Variants in AMPH observed in about 807,000 individuals in gnomAD.
AMPH encodes amphiphysin.
AMPH carries 49 observed loss-of-function variants against 99.1 expected under a neutral mutation model. The ratio of observed to expected loss-of-function variants is 0.49; its 90% CI spans 0.39 to 0.63. The LOEUF (loss-of-function observed/expected upper bound fraction) is 0.63. AMPH is among the 20% of genes least tolerant of loss of function. The pLI is 0.00. For missense variants in AMPH, 759 were observed against 863.4 expected (o/e 0.88, Z 1.52); for synonymous variants, 314 against 317.3 (o/e 0.99, Z 0.11).
intron 2 of AMPH, among the ~76,000 whole-genome samples, chr7:38,519,830 G>A (rs1473340807): frequency 6.6e-6 from 1 of 152,052 alleles, no homozygotes; most frequent in Non-Finnish European, 1.5e-5. Context: ...GCACTCACAT[G>A]TTCATTGCAG....
At chr7:38,408,275 C>G (rs1002353936) in intron 17 of AMPH, among the ~76,000 whole-genome samples, 1 of 152,168 alleles carries the variant, frequency 6.6e-6, no homozygotes, top group Non-Finnish European at 1.5e-5. Context: ...TTCTTATAAA[C>G]AGTTGATACA....
intron 1 of AMPH, among the ~76,000 whole-genome samples, chr7:38,606,939 C>T (rs1793456695): frequency 6.6e-6 from 1 of 152,132 alleles, no homozygotes; most frequent in Non-Finnish European, 1.5e-5. Flanking sequence ...TTTTATTTAT[C>T]TTTCCTCAGT....
chr7:38,513,263 A>G (rs532531448), intron 2 of AMPH, among the ~76,000 whole-genome samples: 25 of 152,332 alleles, frequency 1.6e-4, no homozygotes, highest in African/African-American at 5.8e-4. Context: ...TATAATGAAT[A>G]CAACTATATC....
intron 1 of AMPH, among the ~76,000 whole-genome samples, chr7:38,613,274 T>C (rs1319202547): frequency 6.6e-6 from 1 of 151,894 alleles, no homozygotes; most frequent in Non-Finnish European, 1.5e-5. Context: ...TCACCCTTTC[T>C]AAAACGTCTT....
intron 1 of AMPH, among the ~76,000 whole-genome samples, chr7:38,538,099 AAT>A (rs1167337456): frequency 2.0e-5 from 3 of 152,342 alleles, no homozygotes; most frequent in Admixed American, 6.5e-5. Context: ...CTAGAAATTA[AAT>A]AGTTTGTTGC....
intron 1 of AMPH, among the ~76,000 whole-genome samples, 173 bp downstream of exon 1, chr7:38,631,110 G>C (rs1324310247): frequency 6.6e-6 from 1 of 151,884 alleles, no homozygotes; most frequent in African/African-American, 2.4e-5. Flanking sequence ...CCCGGGTCGC[G>C]CCTTGCGGCA....
chr7:38,525,277 T>TATATATATATATAG lies in AMPH; in HGVS notation c.150+9653_150+9654insCTATATATATATAT, dbSNP rs1481528083. 2.2e-3 allele frequency among the ~76,000 whole-genome samples: 190 copies of TATATATATATATAG among 86,612 alleles called. 1 individual carries two copies. Among genetic ancestry groups the TATATATATATATAG allele is most frequent in the Middle Eastern group, 5.7e-3 (1 of 176 alleles). The allele number at this position is 86,612 out of a possible 152,430, so 56.8% of individuals were successfully genotyped here. A position where few individuals can be genotyped will look rare whatever the true frequency, so the allele number is the denominator to read the frequency against. On this transcript the variant is annotated intron_variant, in intron 2 of 20. Coordinates refer to ENST00000356264, the MANE Select transcript of AMPH (RefSeq NM_001635.4). ...GTGTGTGTATATATATATATATATA[T>TATATATATATATAG]AGAGAGAGAGAGAGAGAGAGAGAGA... is the stretch of plus-strand genomic sequence containing the variant.
Position 38,587,362 on chromosome 7 carries a change from G to A in AMPH, c.69+43921C>T, listed in dbSNP as rs572293994. Among the ~76,000 whole-genome samples, 86 of 152,290 alleles carry A rather than the reference G, an allele frequency of 5.6e-4. 1 individual carries two copies. The highest frequency in any genetic ancestry group is 1.0e-3 in the Non-Finnish European group (68 of 68,028). Reference sequence around the variant, plus strand: ...AACCAATCTTGACATCGATCTAAACGTGCTTCAGAAGAGGTGGTTCCAGGA... The same window carrying A: ...AACCAATCTTGACATCGATCTAAACATGCTTCAGAAGAGGTGGTTCCAGGA... On this transcript the variant is annotated intron_variant, in intron 1 of 20. Coordinates refer to ENST00000356264, the MANE Select transcript of AMPH (RefSeq NM_001635.4).
At chr7:38,502,835 T>C (rs1358348584) in intron 3 of AMPH, among the ~76,000 whole-genome samples, 1 of 152,166 alleles carries the variant, frequency 6.6e-6, no homozygotes. Flanking sequence ...CATATTTACA[T>C]CTTTACTATA....
At chr7:38,485,870 C>T (rs947885805) in intron 5 of AMPH, among the ~76,000 whole-genome samples, 16 of 151,892 alleles carry the variant, frequency 1.1e-4, no homozygotes, top group East Asian at 9.6e-4. Flanking sequence ...CAATTTTGAA[C>T]GACCAATGGG....
intron 9 of AMPH, 155 bp from the exon 10 acceptor site, chr7:38,463,268 G>T: frequency 2.1e-6 from 2 of 957,152 alleles, no homozygotes; most frequent in Non-Finnish European, 3.3e-6. Flanking sequence ...TTGCAACAGT[G>T]ATGGTGATAA....
chr7:38,407,068 ATATATATATG>A (rs1439768912), intron 17 of AMPH, among the ~76,000 whole-genome samples: 1 of 27,144 alleles, frequency 3.7e-5, no homozygotes, highest in Admixed American at 5.2e-4. Context: ...ATATATATAT[ATATATATATG>A]TGTGTGTGTG....
chr7:38,520,011 T>C (rs867539275), intron 2 of AMPH, among the ~76,000 whole-genome samples: 1 of 151,984 alleles, frequency 6.6e-6, no homozygotes, highest in African/African-American at 2.4e-5. Flanking sequence ...AATAAATAAA[T>C]AAAAATCAAA....
intron 17 of AMPH, among the ~76,000 whole-genome samples, chr7:38,404,626 T>TA (rs1487207789): frequency 6.6e-6 from 1 of 151,638 alleles, no homozygotes; most frequent in East Asian, 1.9e-4. Context: ...GAAAAAAGAG[T>TA]AAAAATTTAA....
chr7:38,613,270 T>G (rs1793748534), intron 1 of AMPH, among the ~76,000 whole-genome samples: 1 of 152,000 alleles, frequency 6.6e-6, no homozygotes, highest in South Asian at 2.1e-4. Flanking sequence ...AAAGTCACCC[T>G]TTCTAAAACG....
intron 17 of AMPH, among the ~76,000 whole-genome samples, chr7:38,416,693 T>C (rs1385916092): frequency 1.3e-5 from 2 of 152,284 alleles, no homozygotes; most frequent in African/African-American, 2.4e-5. Context: ...CAGATCACCA[T>C]TGGACACCAA....
intron 1 of AMPH, among the ~76,000 whole-genome samples, chr7:38,600,586 C>T (rs1036449083): frequency 6.6e-6 from 1 of 152,142 alleles, no homozygotes; most frequent in Non-Finnish European, 1.5e-5. Context: ...TTATGTTGAA[C>T]CATAGGAAAA....
chr7:38,394,165 G>A lies in AMPH; in HGVS notation c.1448C>T (p.Ala483Val), dbSNP rs1401696003. 1.2e-6 allele frequency: 2 copies of A among 1,614,206 alleles called. No individual in the cohort carries two copies. Among genetic ancestry groups the A allele is most frequent in the South Asian group, 1.1e-5 (1 of 91,076 alleles). ...ADAAVGTLVS[A>V]AEGAPGEEAE... is the part of the protein sequence containing the mutation. Reference sequence around the variant, plus strand: ...TTCCTCTCCTGGGGCCCCCTCAGCTGCTGACACCAAGGTTCCAACAGCTGC... The same window carrying A: ...TTCCTCTCCTGGGGCCCCCTCAGCTACTGACACCAAGGTTCCAACAGCTGC... Residue 483 changes from alanine (A) to valine (V), a missense_variant, in exon 18 of 21, where the codon GCA becomes GTA. Coordinates refer to ENST00000356264, the MANE Select transcript of AMPH (RefSeq NM_001635.4).
In AMPH at chr7:38,526,433, C is replaced by CTTTTTTTT. The variant is rs33974810; in HGVS notation, c.150+8490_150+8497dup. On this transcript the variant is annotated intron_variant, in intron 2 of 20. Coordinates refer to ENST00000356264, the MANE Select transcript of AMPH (RefSeq NM_001635.4). Reference sequence around the variant, plus strand: ...TGCAAGCACCCACTACCATGCCCGGCTTTTTTTTTTTTTTTTTTTTTCAGT... The same window carrying CTTTTTTTT: ...TGCAAGCACCCACTACCATGCCCGGCTTTTTTTTTTTTTTTTTTTTTTTTTTTTTCAGT... Among the ~76,000 whole-genome samples, 6 of 72,580 alleles carry CTTTTTTTT rather than the reference C, an allele frequency of 8.3e-5. 1 individual carries two copies. Among genetic ancestry groups the CTTTTTTTT allele is most frequent in the South Asian group, 7.4e-4 (1 of 1,344 alleles). The allele number at this position is 72,580 out of a possible 152,430, so 47.6% of individuals were successfully genotyped here. A position where few individuals can be genotyped will look rare whatever the true frequency, so the allele number is the denominator to read the frequency against.
Sources: gnomAD v4.1 joint callset for allele counts (sites outside exome capture counted in the v4.1 genomes callset) on GRCh38, gnomAD v4.1.1 for gene constraint, MANE v1.5 for transcripts, NCBI Gene and HGNC (gene_info 2026-07-23, HGNC 2026-07-21) for gene names.